The following PTPRD variants were observed in gnomAD, a reference collection of about 807,000 sequenced individuals.
PTPRD encodes receptor-type tyrosine-protein phosphatase delta.
In PTPRD, 34 loss-of-function variants were observed where a neutral mutation model predicts 214.5. The ratio of observed to expected loss-of-function variants is 0.16; its 90% confidence interval spans 0.12 to 0.21. The LOEUF (loss-of-function observed/expected upper bound fraction) is 0.21. Among genes scored for constraint, PTPRD ranks in the 10% least tolerant of loss-of-function variants. The pLI, the probability that PTPRD is intolerant of heterozygous loss-of-function variation, is 1.00. For missense variants in PTPRD, 2,545 were observed against 2,398.7 expected, an observed-to-expected ratio of 1.06 and a Z score of -1.27; for synonymous variants, 1,128 against 845.7, an observed-to-expected ratio of 1.33 and a Z score of -5.79.
intron 7 of PTPRD, among the ~76,000 whole-genome samples, chr9:9,599,596 C>A (rs1368396138): frequency 6.6e-6 from 1 of 151,972 alleles, no homozygotes; most frequent in Admixed American, 6.6e-5. Flanking sequence ...TTATCTTTAT[C>A]TTTATGTGTT....
At chr9:10,537,730 A>G (rs530498279) in intron 2 of PTPRD, among the ~76,000 whole-genome samples, 3 of 152,216 alleles carry the variant, frequency 2.0e-5, no homozygotes, top group East Asian at 3.9e-4. Flanking sequence ...ATTTATCATC[A>G]TAATGTCTTA....
chr9:8,682,130 C>T (rs1453788596), intron 12 of PTPRD, among the ~76,000 whole-genome samples: 1 of 152,146 alleles, frequency 6.6e-6, no homozygotes, highest in Non-Finnish European at 1.5e-5. Context: ...TCAGTACAAG[C>T]TAACCACACA....
chr9:9,297,464 C>T (rs774572521), intron 9 of PTPRD, among the ~76,000 whole-genome samples: 2 of 151,394 alleles, frequency 1.3e-5, no homozygotes, highest in Admixed American at 1.3e-4. Flanking sequence ...ACAAAAAAAT[C>T]CCAATAAATA....
intron 7 of PTPRD, among the ~76,000 whole-genome samples, chr9:9,602,479 A>G (rs7043642): frequency 0.44 from 66,136 of 151,862 alleles, 15,163 homozygotes; most frequent in Non-Finnish European, 0.51. Flanking sequence ...TTTATTCCAT[A>G]TAAGATTATA....
intron 3 of PTPRD, among the ~76,000 whole-genome samples, chr9:10,056,534 A>C (rs893721786): frequency 5.3e-5 from 8 of 152,072 alleles, no homozygotes; most frequent in African/African-American, 1.7e-4. Context: ...TTTGTTTTTA[A>C]ATCGCCTTAG....
At chr9:9,778,358 G>A (rs556918707) in intron 5 of PTPRD, among the ~76,000 whole-genome samples, 1 of 152,140 alleles carries the variant, frequency 6.6e-6, no homozygotes, top group Admixed American at 6.5e-5. Context: ...TATGTGATCT[G>A]GCAGGGGGAT....
intron 9 of PTPRD, among the ~76,000 whole-genome samples, chr9:9,249,890 G>C (rs752182267): frequency 6.6e-5 from 10 of 152,050 alleles, no homozygotes; most frequent in East Asian, 1.9e-4. Flanking sequence ...ATGAATTATA[G>C]TTCTTTAGAA....
chr9:10,143,242 T>G lies in PTPRD; in HGVS notation c.-544-109452A>C, dbSNP rs567331783. 2.4e-3 allele frequency among the ~76,000 whole-genome samples: 358 copies of G among 152,006 alleles called. 3 individuals are homozygous for G. The highest frequency in any genetic ancestry group is 8.4e-3 in the African/African-American group (350 of 41,448). On this transcript the variant is annotated intron_variant, in intron 3 of 45. Transcript: ENST00000381196. ...ATACATATGTAACTAATCTGCACAT[T>G]GTGCACATGTATCCTAAAACTTAAA...
chr9:9,787,862 A>G (rs543978855), intron 5 of PTPRD, among the ~76,000 whole-genome samples: 9 of 151,702 alleles, frequency 5.9e-5, no homozygotes, highest in African/African-American at 1.9e-4. Flanking sequence ...GCTCACTGCA[A>G]CCTCCACCTC....
At chr9:10,588,832 C>T (rs1326760511) in intron 2 of PTPRD, among the ~76,000 whole-genome samples, 1 of 152,058 alleles carries the variant, frequency 6.6e-6, no homozygotes, top group Non-Finnish European at 1.5e-5. Flanking sequence ...TACTTCAACA[C>T]TGCCTATACT....
At chr9:9,481,121 G>T (rs1417506637) in intron 8 of PTPRD, among the ~76,000 whole-genome samples, 2 of 152,162 alleles carry the variant, frequency 1.3e-5, no homozygotes, top group Non-Finnish European at 2.9e-5. Context: ...TGATGATGAT[G>T]ATGACAGTTA....
chr9:9,495,212 G>C (rs2096118388), intron 8 of PTPRD, among the ~76,000 whole-genome samples: 2 of 148,214 alleles, frequency 1.3e-5, no homozygotes, highest in Admixed American at 6.8e-5. Flanking sequence ...ACTCAGAGAA[G>C]AAAACTGAAA....
intron 12 of PTPRD, among the ~76,000 whole-genome samples, chr9:8,698,522 A>C (rs181269968): frequency 6.6e-6 from 1 of 152,150 alleles, no homozygotes; most frequent in Non-Finnish European, 1.5e-5. Context: ...TTCTTCAGTC[A>C]TTTTCTGTTG....
chr9:10,133,567 T>G (rs2098918665), intron 3 of PTPRD, among the ~76,000 whole-genome samples: 1 of 152,116 alleles, frequency 6.6e-6, no homozygotes, highest in Admixed American at 6.6e-5. Flanking sequence ...TACCAGAATG[T>G]AAACTAATAT....
chr9:10,202,420 T>A (rs1401265547), intron 3 of PTPRD, among the ~76,000 whole-genome samples: 3 of 151,528 alleles, frequency 2.0e-5, no homozygotes, highest in Admixed American at 6.6e-5. Flanking sequence ...AAGGTGCTTT[T>A]CCCACTTCCA....
chr9:9,594,174 C>T (rs1278016520), intron 7 of PTPRD, among the ~76,000 whole-genome samples: 1 of 152,020 alleles, frequency 6.6e-6, no homozygotes, highest in African/African-American at 2.4e-5. Context: ...TATAAGATAA[C>T]TGAGCTACAC....
At chr9:9,403,885 T>C (rs2072043488) in intron 8 of PTPRD, among the ~76,000 whole-genome samples, 1 of 151,948 alleles carries the variant, frequency 6.6e-6, no homozygotes, top group Admixed American at 6.6e-5. Context: ...TTCAGATAAT[T>C]AGTGAAATGG....
chr9:8,886,776 G>A (rs1413295932), intron 11 of PTPRD, among the ~76,000 whole-genome samples: 1 of 152,124 alleles, frequency 6.6e-6, no homozygotes, highest in Non-Finnish European at 1.5e-5. Context: ...TTTGTTGTTT[G>A]CTAATGTGCT....
intron 5 of PTPRD, among the ~76,000 whole-genome samples, chr9:9,859,730 A>G (rs1029283823): frequency 2.6e-5 from 4 of 152,194 alleles, no homozygotes; most frequent in Admixed American, 6.5e-5. Flanking sequence ...TGACAAATTT[A>G]AATTTCTGAG....
Sources: allele counts gnomAD v4.1 joint callset (sites outside exome capture counted in the v4.1 genomes callset), GRCh38; gene constraint gnomAD v4.1.1; transcripts MANE v1.5; gene names NCBI Gene and HGNC (gene_info 2026-07-23, HGNC 2026-07-21).